NECTIN1: variants seen among roughly 807,000 people sequenced by gnomAD.
NECTIN1 encodes nectin cell adhesion molecule 1, also known as nectin-1.
Under a neutral mutation model 48.0 loss-of-function variants are expected in NECTIN1, and 23 were observed. That is an observed-to-expected ratio of 0.48 (90% CI 0.34 to 0.68). NECTIN1 has a LOEUF of 0.68. Among genes scored for constraint, NECTIN1 ranks in the 30% least tolerant of loss-of-function variants. NECTIN1 has a pLI of 0.01. For synonymous variants in NECTIN1, 270 were observed against 288.9 expected (o/e 0.93, Z 0.66); for missense variants, 591 against 709.9 (o/e 0.83, Z 1.90).
At position 119,665,041 on chromosome 11, in the gene NECTIN1, G is replaced by C. The variant is rs758988270; in HGVS notation, c.1260C>G (p.Asp420Glu). ...CGGCCTTCTTCTCGTCGTCTGAGTCGTCGGGGTACTGCAGGTTCTGTGCCA... is the reference window on the plus strand; with the variant it reads ...CGGCCTTCTTCTCGTCGTCTGAGTCCTCGGGGTACTGCAGGTTCTGTGCCA... The part of the protein sequence containing the change: ...PPMAQNLQYP[D>E]DSDDEKKAGP... The change falls in exon 6 of 6, where the codon GAC (aspartate) becomes GAG (glutamate). Residue 420 changes from aspartate to glutamate, a missense_variant. Coordinates refer to ENST00000264025, the MANE Select transcript of NECTIN1 (RefSeq NM_002855.5). This position sits in a 1 kb window ranked among gnomAD's most constrained non-coding sequence, Gnocchi z 5.1. The C allele has an allele frequency of 2.4e-5, 38 of 1,613,744 alleles. No individual in the cohort carries two copies. In the Admixed American group the frequency reaches 2.5e-4, roughly 11 times the overall value.
chr11:119,720,249 T>C (rs892378732), intron 1 of NECTIN1, among the ~76,000 whole-genome samples: 1 of 152,240 alleles, frequency 6.6e-6, no homozygotes, highest in Non-Finnish European at 1.5e-5. Context: ...ACAGCATTTG[T>C]CCACAAGACG....
chr11:119,712,236 G>A (rs948799510), intron 1 of NECTIN1, among the ~76,000 whole-genome samples: 7 of 152,134 alleles, frequency 4.6e-5, no homozygotes, highest in Non-Finnish European at 8.8e-5. Flanking sequence ...AGGCATGCTC[G>A]TGGCTGGGTC....
chr11:119,714,184 C>T (rs1865709218), intron 1 of NECTIN1, among the ~76,000 whole-genome samples: 1 of 152,142 alleles, frequency 6.6e-6, no homozygotes, highest in Non-Finnish European at 1.5e-5. Flanking sequence ...GCAGCCAGGG[C>T]CTGCCTGGGG....
In NECTIN1 at chr11:119,669,566, T is replaced by C. The variant is rs113954578; in HGVS notation, c.1004-4269A>G. ...TTCCATCCTTTCCCTCTGTGGACTG[T>C]TTTCCACACAGCAGCCAGACAAATC... On this transcript the variant is annotated intron_variant, in intron 5 of 5. Coordinates refer to ENST00000264025, the MANE Select transcript of NECTIN1 (RefSeq NM_002855.5). 2.6e-3 allele frequency among the ~76,000 whole-genome samples: 390 copies of C among 152,312 alleles called. 4 individuals carry two copies. Among genetic ancestry groups the C allele is most frequent in the African/African-American group, 7.9e-3 (329 of 41,560 alleles).
chr11:119,700,929 G>T (rs1468146735), intron 1 of NECTIN1, among the ~76,000 whole-genome samples: 1 of 152,150 alleles, frequency 6.6e-6, no homozygotes, highest in East Asian at 1.9e-4. Context: ...TGTGGCTTGG[G>T]GTGGCTCCTG....
chr11:119,664,456 T>C lies in NECTIN1; in HGVS notation c.*291A>G. On this transcript the variant is annotated 3_prime_UTR_variant, in exon 6 of 6. Transcript: ENST00000264025. Reference sequence around the variant, plus strand: ...CAGGTACACAAGACGAGAACAGGGCTCCCTACACAGAGGGCAGGCAGGTGG... The same window carrying C: ...CAGGTACACAAGACGAGAACAGGGCCCCCTACACAGAGGGCAGGCAGGTGG... 2 of 1,241,792 alleles carry C rather than the reference T, an allele frequency of 1.6e-6. No homozygotes were observed. Among genetic ancestry groups the C allele is most frequent in the Non-Finnish European group, 2.0e-6 (2 of 988,130 alleles). 76.9% of individuals were successfully genotyped at this position (1,241,792 alleles called of 1,614,324 possible). A position where few individuals can be genotyped will look rare whatever the true frequency, so the allele number is the denominator to read the frequency against.
chr11:119,711,519 C>T (rs1865646091), intron 1 of NECTIN1, among the ~76,000 whole-genome samples: 1 of 152,114 alleles, frequency 6.6e-6, no homozygotes. Flanking sequence ...CTAGGGCCTG[C>T]AGAGATTTTA....
chr11:119,652,021 G>C (rs1864498681), intron 5 of NECTIN1, among the ~76,000 whole-genome samples: 1 of 152,122 alleles, frequency 6.6e-6, no homozygotes, highest in African/African-American at 2.4e-5. Flanking sequence ...TCCTAGTCCA[G>C]GCCTCTCGCC....
intron 5 of NECTIN1, chr11:119,642,756 T>A (rs1478834415): frequency 6.5e-6 from 1 of 153,516 alleles, no homozygotes; most frequent in Non-Finnish European, 1.5e-5. Flanking sequence ...CCTATACACA[T>A]CCTCCCATAT....
intron 6 of NECTIN1, chr11:119,639,721 G>T: frequency 9.3e-7 from 1 of 1,073,812 alleles, no homozygotes; most frequent in Non-Finnish European, 1.4e-6. Flanking sequence ...TCCTGCCAAA[G>T]GGTTAGTTCC....
At chr11:119,656,933 C>T (rs964815363), downstream of NECTIN1, among the ~76,000 whole-genome samples, 4 of 152,208 alleles carry the variant, frequency 2.6e-5, no homozygotes, top group African/African-American at 9.7e-5. Context: ...TTCATAATCC[C>T]TCTTCCCCTT....
intron 1 of NECTIN1, among the ~76,000 whole-genome samples, chr11:119,728,150 G>GT (rs1300542204): frequency 1.3e-5 from 2 of 152,264 alleles, no homozygotes; most frequent in Non-Finnish European, 2.9e-5. Flanking sequence ...AACACGCAGT[G>GT]TTTCCAAACT....
At chr11:119,668,214 C>T (rs1325466844) in intron 5 of NECTIN1, among the ~76,000 whole-genome samples, 1 of 152,208 alleles carries the variant, frequency 6.6e-6, no homozygotes, top group Admixed American at 6.5e-5. Context: ...CCTCTCCATT[C>T]GATACAACTT....
downstream of NECTIN1, among the ~76,000 whole-genome samples, chr11:119,657,401 T>C (rs1396090290): frequency 1.3e-5 from 2 of 151,972 alleles, no homozygotes; most frequent in African/African-American, 2.4e-5. Flanking sequence ...GGATCACAAG[T>C]TCAGGAGGTC....
chr11:119,638,775 G>C, exon 7 of NECTIN1: 1 of 1,613,996 alleles, frequency 6.2e-7, no homozygotes, highest in Non-Finnish European at 8.5e-7. Context: ...CTGGGAGAAG[G>C]CTCCGGCTTC....
intron 1 of NECTIN1, among the ~76,000 whole-genome samples, chr11:119,689,538 G>C (rs1466002041): frequency 2.6e-5 from 4 of 152,220 alleles, no homozygotes; most frequent in African/African-American, 9.6e-5. Context: ...GGGACTATCG[G>C]TTCAGGCTTC....
chr11:119,726,490 C>T (rs1002581564), intron 1 of NECTIN1, among the ~76,000 whole-genome samples: 1 of 152,200 alleles, frequency 6.6e-6, no homozygotes, highest in African/African-American at 2.4e-5. Flanking sequence ...TTATTAAGTA[C>T]CTCTCTCAAC....
rs146113849 is a variant in NECTIN1, at chr11:119,664,753, G to A, written c.1548C>T (p.Tyr516=). The A allele has an allele frequency of 8.6e-4, 1,387 of 1,610,366 alleles. 1 individual carries two copies. The highest frequency in any genetic ancestry group is 9.0e-4 in the Non-Finnish European group (1,063 of 1,178,014). Reference sequence around the variant, plus strand: ...AGAGGCTCTGGAAGGGGGGCTACACGTACCACTCCTTCTTGGAAATGAAAG... The same window carrying A: ...AGAGGCTCTGGAAGGGGGGCTACACATACCACTCCTTCTTGGAAATGAAAG... ...DGSFISKKEW[Y]V Residue 516 remains tyrosine (Y), a synonymous_variant, in exon 6 of 6, where the codon TAC becomes TAT. Coordinates refer to ENST00000264025, the MANE Select transcript of NECTIN1 (RefSeq NM_002855.5).
At chr11:119,686,701 C>T (rs1004422274) in intron 1 of NECTIN1, among the ~76,000 whole-genome samples, 4 of 152,332 alleles carry the variant, frequency 2.6e-5, no homozygotes, top group Admixed American at 6.5e-5. Flanking sequence ...ACCACTCCCC[C>T]GTTACCTGCG....
Sources: gnomAD v4.1 joint callset for allele counts (sites outside exome capture counted in the v4.1 genomes callset) on GRCh38, gnomAD v4.1.1 for gene constraint, Gnocchi (gnomAD v3.1) non-coding constraint, MANE v1.5 for transcripts, NCBI Gene and HGNC (gene_info 2026-07-23, HGNC 2026-07-21) for gene names.